Variants in GLIS3 observed in about 807,000 individuals in gnomAD.
GLIS3 encodes the protein zinc finger protein GLIS3.
GLIS3 carries 53 observed loss-of-function variants against 78.6 expected under a neutral mutation model. The observed-to-expected ratio is 0.67, with a 90% CI of 0.54 to 0.85. GLIS3 has a LOEUF of 0.85. Among genes scored for constraint, GLIS3 ranks in the 40% least tolerant of loss-of-function variants. GLIS3 has a pLI of 0.00. For synonymous variants in GLIS3, 684 were observed against 509.9 expected (o/e 1.34, Z -4.60); for missense variants, 1,703 against 1,231.1 (o/e 1.38, Z -5.74).
At chr9:4,485,526 A>G in the GLIS3 span, among the ~76,000 whole-genome samples, 1 of 152,176 alleles carries the variant, frequency 6.6e-6, no homozygotes, top group Non-Finnish European at 1.5e-5. Context: ...TAAAAACTCC[A>G]GCCTCCAAAT....
intron 6 of GLIS3, among the ~76,000 whole-genome samples, chr9:3,904,035 G>T (rs144441491): frequency 9.2e-5 from 14 of 152,104 alleles, no homozygotes; most frequent in South Asian, 2.1e-4. Context: ...TCTTACAGGG[G>T]CTCCACCATA....
intron 7 of GLIS3, among the ~76,000 whole-genome samples, chr9:3,895,084 C>T (rs188103111): frequency 6.6e-6 from 1 of 152,208 alleles, no homozygotes; most frequent in Admixed American, 6.5e-5. Context: ...TAAATGGACT[C>T]CCTGCCAAGA....
chr9:3,969,511 C>T (rs772775866), intron 4 of GLIS3, among the ~76,000 whole-genome samples: 7 of 152,136 alleles, frequency 4.6e-5, no homozygotes, highest in Admixed American at 1.3e-4. Flanking sequence ...AGAACTGATA[C>T]GAAGTAATCA....
chr9:3,939,622 C>T (rs1033825524), intron 4 of GLIS3, among the ~76,000 whole-genome samples: 4 of 151,580 alleles, frequency 2.6e-5, no homozygotes, highest in African/African-American at 4.9e-5. Context: ...AAAGATTATC[C>T]GTAAAATAAT....
At chr9:4,300,069 G>A (rs1416197002), upstream of GLIS3, among the ~76,000 whole-genome samples, 2 of 151,692 alleles carry the variant, frequency 1.3e-5, no homozygotes, top group Non-Finnish European at 2.9e-5. Context: ...GGATGTGTGT[G>A]CGGCCGCGAG....
At chr9:4,427,137 T>C in the GLIS3 span, among the ~76,000 whole-genome samples, 1 of 152,226 alleles carries the variant, frequency 6.6e-6, no homozygotes, top group Non-Finnish European at 1.5e-5. Flanking sequence ...GCCATCTATA[T>C]TTTATGCATG....
At chr9:3,836,656 GT>G (rs1412963857) in intron 9 of GLIS3, among the ~76,000 whole-genome samples, 1 of 152,170 alleles carries the variant, frequency 6.6e-6, no homozygotes. Context: ...TACAAAACCA[GT>G]GAAGCCCCTA....
Position 3,824,882 on chromosome 9 carries a change from C to T in GLIS3, c.*3390G>A, listed in dbSNP as rs1246566375. Reference sequence around the variant, plus strand: ...AAATCTCTTTTTACACTCACTATTTCTCCAATGAGTGCTTTTTTTTTTTTG... The same window carrying T: ...AAATCTCTTTTTACACTCACTATTTTTCCAATGAGTGCTTTTTTTTTTTTG... On this transcript the variant is annotated 3_prime_UTR_variant, in exon 11 of 11. Coordinates refer to ENST00000381971, the MANE Select transcript of GLIS3 (RefSeq NM_001042413.2). The T allele has an allele frequency of 1.4e-5, 2 of 142,680 alleles. No homozygotes were observed. The highest frequency in any genetic ancestry group is 3.0e-5 in the Non-Finnish European group (2 of 66,442). The allele number at this position is 142,680 out of a possible 1,614,324, so 8.8% of individuals were successfully genotyped here. A position where few individuals can be genotyped will look rare whatever the true frequency, so the allele number is the denominator to read the frequency against.
intron 4 of GLIS3, among the ~76,000 whole-genome samples, chr9:3,947,129 G>A (rs968839544): frequency 1.3e-5 from 2 of 152,218 alleles, no homozygotes; most frequent in African/African-American, 2.4e-5. Context: ...TGTGTTCAAC[G>A]CACATGGGCT....
intron 2 of GLIS3, among the ~76,000 whole-genome samples, chr9:4,317,196 G>C (rs1817449326): frequency 6.6e-6 from 1 of 152,206 alleles, no homozygotes; most frequent in Non-Finnish European, 1.5e-5. Flanking sequence ...TTAAGTACCG[G>C]TCTTTACATC....
intron 2 of GLIS3, among the ~76,000 whole-genome samples, chr9:4,209,516 T>C (rs1274661624): frequency 6.6e-6 from 1 of 152,184 alleles, no homozygotes; most frequent in Middle Eastern, 3.2e-3. Flanking sequence ...CAATAGAAAC[T>C]TCACCAGCAA....
rs553273262 is a variant in GLIS3 at position 4,143,616 on chromosome 9, A to G, written c.389-17675T>C. On this transcript the variant is annotated intron_variant, in intron 2 of 10. Transcript: ENST00000381971. ...ACTACTCTCTTAATAAATTTCAGGT[A>G]AACAATACAGTATTGTCAACTATGG... 8.5e-5 allele frequency among the ~76,000 whole-genome samples: 13 copies of G among 152,286 alleles called. No homozygotes were observed. In the South Asian group the frequency reaches 2.7e-3, roughly 32 times the overall value.
At chr9:4,339,766 G>A (rs1817805234) in intron 2 of GLIS3, among the ~76,000 whole-genome samples, 1 of 37,890 alleles carries the variant, frequency 2.6e-5, no homozygotes, top group Non-Finnish European at 4.7e-5. Context: ...GGATCAAAAC[G>A]TGCCCAGAGA....
intron 2 of GLIS3, among the ~76,000 whole-genome samples, chr9:4,314,909 A>G (rs962411098): frequency 1.3e-5 from 2 of 152,212 alleles, no homozygotes; most frequent in Non-Finnish European, 2.9e-5. Flanking sequence ...CTTTGGGATG[A>G]ATAGTGCTGG....
intron 1 of GLIS3, among the ~76,000 whole-genome samples, chr9:4,292,982 G>A (rs185616555): frequency 2.0e-5 from 3 of 152,170 alleles, no homozygotes; most frequent in African/African-American, 7.2e-5. Context: ...CATGGCCAGG[G>A]TTTGAGACAC....
At chr9:3,838,761 G>T (rs1245763830) in intron 9 of GLIS3, among the ~76,000 whole-genome samples, 2 of 152,142 alleles carry the variant, frequency 1.3e-5, no homozygotes, top group Non-Finnish European at 2.9e-5. Flanking sequence ...GGACAGAGGA[G>T]AAAGAAGATA....
chr9:4,449,352 C>T, the GLIS3 span, among the ~76,000 whole-genome samples: 1 of 152,202 alleles, frequency 6.6e-6, no homozygotes, highest in African/African-American at 2.4e-5. Flanking sequence ...CACAGCTCTG[C>T]AAGGCCTGCT....
chr9:4,326,539 G>A lies in GLIS3; in HGVS notation n.265-16011C>T, dbSNP rs569050949. ...AAAGTGGAGTAGTGTTTACCAGGGGGAGGGAGGAATGGGGGTTATTTTTTA... is the reference window on the plus strand; with the variant it reads ...AAAGTGGAGTAGTGTTTACCAGGGGAAGGGAGGAATGGGGGTTATTTTTTA... On this transcript the variant is annotated intron_variant and non_coding_transcript_variant, in intron 2 of 4. Transcript: ENST00000471664. 6.1e-4 allele frequency among the ~76,000 whole-genome samples: 91 copies of A among 148,162 alleles called. 1 individual carries two copies. The highest frequency in any genetic ancestry group is 2.1e-3 in the African/African-American group (85 of 41,360).
chr9:4,293,150 A>C (rs10814916), intron 1 of GLIS3, among the ~76,000 whole-genome samples: 85,768 of 152,072 alleles, frequency 0.56, 24,606 homozygotes, highest in African/African-American at 0.68. Flanking sequence ...ATTATCCTTT[A>C]GTCTGTGTAA....
Sources: gnomAD v4.1 joint callset for allele counts (sites outside exome capture counted in the v4.1 genomes callset) on GRCh38, gnomAD v4.1.1 for gene constraint, MANE v1.5 for transcripts, NCBI Gene and HGNC (gene_info 2026-07-23, HGNC 2026-07-21) for gene names.